The following MICAL3 variants were observed in gnomAD, a reference collection of about 807,000 sequenced individuals.
MICAL3 encodes the protein [F-actin]-monooxygenase MICAL3.
In MICAL3, 62 loss-of-function variants were observed where a neutral mutation model predicts 207.4. The ratio of observed to expected loss-of-function variants is 0.30; its 90% CI spans 0.24 to 0.37. The LOEUF is 0.37. MICAL3 is among the 10% of genes least tolerant of loss of function. The probability of loss-of-function intolerance (pLI) is 1.00; values close to 1 mark genes in which losing one functional copy is unlikely to be tolerated. For synonymous variants in MICAL3, 1,077 were observed against 1,069.3 expected, an observed-to-expected ratio of 1.01 and a Z score of -0.14; for missense variants, 2,368 against 2,635.6, an observed-to-expected ratio of 0.90 and a Z score of 2.22.
At chr22:17,929,568 CTTT>C (rs67222681) in intron 1 of MICAL3, among the ~76,000 whole-genome samples, 1 of 108,896 alleles carries the variant, frequency 9.2e-6, no homozygotes, top group Non-Finnish European at 1.8e-5. Flanking sequence ...CTTTTCTTTT[CTTT>C]TTTTTTTTTT....
chr22:17,866,623 T>TAGAAC (rs2146147080), intron 17 of MICAL3, among the ~76,000 whole-genome samples: 1 of 133,484 alleles, frequency 7.5e-6, no homozygotes, highest in South Asian at 2.3e-4. Context: ...CAGAATAGAA[T>TAGAAC]AGAATAGAAT....
intron 27 of MICAL3, chr22:17,815,593 T>C (rs1028897575): frequency 6.6e-6 from 1 of 152,270 alleles, no homozygotes; most frequent in African/African-American, 2.4e-5. Context: ...AAGGCGCAGA[T>C]CCCAACCCTA....
intron 1 of MICAL3, among the ~76,000 whole-genome samples, chr22:17,978,620 T>A (rs1935763479): frequency 6.6e-6 from 1 of 151,714 alleles, no homozygotes; most frequent in Non-Finnish European, 1.5e-5. Context: ...TTCAAACAAT[T>A]CTCCTACTTC....
At chr22:17,879,449 T>C (rs528321092) in intron 16 of MICAL3, 5 of 1,525,542 alleles carry the variant, frequency 3.3e-6, no homozygotes, top group East Asian at 2.3e-5. Flanking sequence ...TATCGCTCTA[T>C]TTGGACCTAC....
At chr22:17,917,385 C>T (rs553156376) in intron 1 of MICAL3, among the ~76,000 whole-genome samples, 4 of 152,272 alleles carry the variant, frequency 2.6e-5, no homozygotes, top group South Asian at 2.1e-4. Context: ...ACCTTGCCCC[C>T]GTCTGCATTT....
At chr22:17,852,677 C>G (rs1392017709) in intron 19 of MICAL3, among the ~76,000 whole-genome samples, 1 of 152,186 alleles carries the variant, frequency 6.6e-6, no homozygotes, top group Non-Finnish European at 1.5e-5. Context: ...AACCAGCAAC[C>G]CCAGACAGGC....
chr22:17,921,811 G>A (rs146541639), intron 1 of MICAL3, among the ~76,000 whole-genome samples: 268 of 152,008 alleles, frequency 1.8e-3, no homozygotes, highest in Middle Eastern at 6.8e-3. Context: ...ATCTAAACTC[G>A]CTCCAATACA....
chr22:17,875,542 G>A (rs780847658), intron 16 of MICAL3: 1 of 1,551,146 alleles, frequency 6.4e-7, no homozygotes, highest in East Asian at 2.4e-5. Context: ...CGACGAGGAG[G>A]TTCAGGCTCT....
At chr22:17,995,486 CTTTAATT>C (rs1922171892) in intron 1 of MICAL3, among the ~76,000 whole-genome samples, 2 of 102,378 alleles carry the variant, frequency 2.0e-5, no homozygotes, top group African/African-American at 7.5e-5. Flanking sequence ...CCAGCCTTTT[CTTTAATT>C]TTTTTTTTTT....
chr22:17,859,231 G>T (rs143914306), intron 19 of MICAL3, among the ~76,000 whole-genome samples: 20 of 152,342 alleles, frequency 1.3e-4, no homozygotes, highest in African/African-American at 4.6e-4. Flanking sequence ...AGACCCCAGG[G>T]ACCTGCTGCT....
At chr22:17,980,797 T>C in intron 1 of MICAL3, 1 of 485,292 alleles carries the variant, frequency 2.1e-6, no homozygotes, top group Non-Finnish European at 4.4e-6. Flanking sequence ...CAGCTGCCCG[T>C]CTGCTCCTCT....
intron 1 of MICAL3, among the ~76,000 whole-genome samples, chr22:17,997,521 G>A (rs1241160038): frequency 6.6e-6 from 1 of 152,136 alleles, no homozygotes; most frequent in Non-Finnish European, 1.5e-5. Flanking sequence ...AGAACATAAA[G>A]CCCGTCCAAC....
intron 19 of MICAL3, among the ~76,000 whole-genome samples, chr22:17,851,587 A>G (rs187673151): frequency 1.3e-5 from 2 of 152,342 alleles, no homozygotes; most frequent in Admixed American, 6.5e-5. Context: ...AATGTTGAGC[A>G]TATTCTGGCC....
At chr22:17,989,431 G>T (rs796379688) in intron 1 of MICAL3, among the ~76,000 whole-genome samples, 1 of 152,054 alleles carries the variant, frequency 6.6e-6, no homozygotes, top group Non-Finnish European at 1.5e-5. Context: ...ATCCCAGAGG[G>T]CAAGGAATAC....
At chr22:17,871,792 C>G (rs774277593) in intron 17 of MICAL3, 45 bp downstream of exon 17, 57 of 1,538,978 alleles carry the variant, frequency 3.7e-5, no homozygotes, top group Middle Eastern at 1.7e-4. Flanking sequence ...GAAACACTGT[C>G]CAAGCACAGT....
At chr22:17,973,090 G>A (rs1400782370) in intron 1 of MICAL3, among the ~76,000 whole-genome samples, 1 of 152,266 alleles carries the variant, frequency 6.6e-6, no homozygotes, top group African/African-American at 2.4e-5. Flanking sequence ...CCTACTTGCT[G>A]TGGGTCTTTA....
At chr22:18,002,224 G>A (rs982636919) in intron 1 of MICAL3, among the ~76,000 whole-genome samples, 1 of 151,974 alleles carries the variant, frequency 6.6e-6, no homozygotes, top group East Asian at 1.9e-4. Context: ...TAATAAAGGA[G>A]ACTTGTTTGT....
At chr22:17,944,490 C>T (rs946162363) in intron 1 of MICAL3, among the ~76,000 whole-genome samples, 14 of 152,154 alleles carry the variant, frequency 9.2e-5, no homozygotes, top group African/African-American at 3.1e-4. Flanking sequence ...CATTAAGTCC[C>T]GAACAATGAA....
chr22:18,023,580 T>C (rs527805804), intron 1 of MICAL3, among the ~76,000 whole-genome samples: 1 of 152,382 alleles, frequency 6.6e-6, no homozygotes, highest in South Asian at 2.1e-4. Flanking sequence ...CATAACCATT[T>C]GATTCTAAGA....
Sources: allele counts gnomAD v4.1 joint callset (sites outside exome capture counted in the v4.1 genomes callset), GRCh38; gene constraint gnomAD v4.1.1; transcripts MANE v1.5; gene names NCBI Gene and HGNC (gene_info 2026-07-23, HGNC 2026-07-21).